The following WSCD1 variants were observed in gnomAD, a reference collection of about 807,000 sequenced individuals.
WSCD1 encodes WSC domain sialate O sulfotransferase 1.
In WSCD1, 41 loss-of-function variants were observed where a neutral mutation model predicts 60.4. The observed-to-expected ratio is 0.68, with a 90% confidence interval of 0.53 to 0.88. WSCD1 has a LOEUF of 0.88. Among genes scored for constraint, WSCD1 ranks in the 40% least tolerant of loss-of-function variants. WSCD1 has a pLI of 0.00. For missense variants in WSCD1, 784 were observed against 796.2 expected (o/e 0.98, Z 0.18); for synonymous variants, 361 against 332.5 (o/e 1.09, Z -0.93).
chr17:6,072,208 A>C (rs934698587), intron 1 of WSCD1, among the ~76,000 whole-genome samples: 3 of 152,254 alleles, frequency 2.0e-5, no homozygotes, highest in Admixed American at 1.3e-4. Context: ...AGCTGGGATA[A>C]GGCAGAAGGC....
intron 7 of WSCD1, among the ~76,000 whole-genome samples, chr17:6,115,366 TGTA>T: frequency 6.6e-6 from 1 of 152,204 alleles, no homozygotes; most frequent in Non-Finnish European, 1.5e-5. Context: ...TTCATCAAAA[TGTA>T]ATAAAAAATG....
Position 6,101,502 on chromosome 17 carries a change from T to TGGC in WSCD1, c.849+6280_849+6282dup. ...TTGAGCACCATCTGAGGCTTATTTGTGGCCCCAGATAAAATGTCTACTGTT... is the reference window on the plus strand; with the variant it reads ...TTGAGCACCATCTGAGGCTTATTTGTGGCGGCCCCAGATAAAATGTCTACTGTT... On this transcript the variant is annotated intron_variant, in intron 5 of 8. Transcript: ENST00000317744. The surrounding 1 kb of genome is among the most constrained non-coding windows in gnomAD (Gnocchi z 4.1). 6.6e-6 allele frequency among the ~76,000 whole-genome samples: 1 copy of TGGC among 152,214 alleles called. No homozygotes were observed. Among genetic ancestry groups the TGGC allele is most frequent in the South Asian group, 2.1e-4 (1 of 4,812 alleles).
chr17:6,121,039 T>G lies in WSCD1; in HGVS notation c.*378T>G, dbSNP rs962264590. The stretch of plus-strand genomic sequence containing the variant: ...TGTGCTCCTGGAGGCTGGCTGGCTG[T>G]CTCTCTCACACAGATACACGTGCGC... On this transcript the variant is annotated 3_prime_UTR_variant, in exon 9 of 9. Coordinates refer to ENST00000317744, the MANE Select transcript of WSCD1 (RefSeq NM_015253.2). 21 of 247,824 alleles carry G rather than the reference T, an allele frequency of 8.5e-5. No homozygotes were observed. The highest frequency in any genetic ancestry group is 3.3e-4 in the South Asian group (5 of 15,358). 15.4% of individuals were successfully genotyped at this position (247,824 alleles called of 1,614,324 possible).
In WSCD1 at chr17:6,075,687, G is replaced by A. The variant is rs569967395; in HGVS notation, c.-288-4684G>A. 6.6e-6 allele frequency among the ~76,000 whole-genome samples: 1 copy of A among 152,140 alleles called. No individual in the cohort carries two copies. Among genetic ancestry groups the A allele is most frequent in the African/African-American group, 2.4e-5 (1 of 41,430 alleles). On this transcript the variant is annotated intron_variant, in intron 1 of 8. Transcript: ENST00000317744. The surrounding 1 kb of genome is among the most constrained non-coding windows in gnomAD (Gnocchi z 4.1). ...CCCAGGCCCTGCTCTTCTGTAGGGT[G>A]ACCCCAGGACAGGGCAGTGGGTGTG... is the stretch of plus-strand genomic sequence containing the variant.
intron 5 of WSCD1, among the ~76,000 whole-genome samples, chr17:6,105,116 C>G (rs766366918): frequency 3.9e-5 from 6 of 152,176 alleles, no homozygotes; most frequent in Non-Finnish European, 5.9e-5. Context: ...TGTGGATCCC[C>G]GCCAGCCTCA....
chr17:6,069,741 G>A (rs964302488), upstream of WSCD1, among the ~76,000 whole-genome samples: 2 of 150,370 alleles, frequency 1.3e-5, no homozygotes, highest in African/African-American at 4.9e-5. Flanking sequence ...AGCTGTGACC[G>A]TCTGTCTCTA....
chr17:6,111,254 C>T (rs922775198), intron 7 of WSCD1, among the ~76,000 whole-genome samples: 2 of 152,154 alleles, frequency 1.3e-5, no homozygotes, highest in African/African-American at 4.8e-5. Flanking sequence ...TACTCCACCA[C>T]CCAGAACCAA....
chr17:6,093,541 C>T lies in WSCD1; in HGVS notation c.728-1561C>T, dbSNP rs556876474. Among the ~76,000 whole-genome samples, 44 of 152,290 alleles carry T rather than the reference C, an allele frequency of 2.9e-4. No homozygotes were observed. In the South Asian group the frequency reaches 8.5e-3, roughly 29 times the overall value. ...CTCTCCCCATTGTCTGTTCTATCCC[C>T]GTGGAGCTGGTTGAGGACCAGTGCC... On this transcript the variant is annotated intron_variant, in intron 4 of 8. Transcript: ENST00000317744.
rs778444504 is a variant in WSCD1 at position 6,088,065 on chromosome 17, A to G, written c.503A>G (p.Lys168Arg). ...LKGAVFYDLR[K>R]MTVSHCQDAC... ...GGAGCTGTGTTTTATGACTTGAGAA[A>G]GATGACTGTCTCCCACTGCCAGGAT... Residue 168 changes from lysine (K) to arginine (R), a missense_variant, in exon 3 of 9, where the codon AAG becomes AGG. Transcript: ENST00000317744. 5.0e-6 allele frequency: 8 copies of G among 1,614,232 alleles called. No individual in the cohort carries two copies. Among genetic ancestry groups the G allele is most frequent in the East Asian group, 2.2e-5 (1 of 44,880 alleles).
intron 1 of WSCD1, among the ~76,000 whole-genome samples, chr17:6,073,247 G>T (rs1908651925): frequency 6.6e-6 from 1 of 152,228 alleles, no homozygotes; most frequent in Admixed American, 6.5e-5. Flanking sequence ...TTACCTTCCA[G>T]ATTCTGGGAT....
At chr17:6,087,464 G>C (rs1220637265) in intron 2 of WSCD1, among the ~76,000 whole-genome samples, 1 of 152,200 alleles carries the variant, frequency 6.6e-6, no homozygotes, top group Non-Finnish European at 1.5e-5. Context: ...ACTCCCTCTT[G>C]GGACGACAGA....
intron 2 of WSCD1, among the ~76,000 whole-genome samples, chr17:6,082,475 G>A (rs140895738): frequency 3.1e-4 from 47 of 152,336 alleles, no homozygotes; most frequent in African/African-American, 8.9e-4. Context: ...GTCTACCATC[G>A]TCACACTGCT....
At chr17:6,109,556 A>G (rs1228457876) in intron 5 of WSCD1, 51 bp from the exon 6 acceptor site, 6 of 1,593,004 alleles carry the variant, frequency 3.8e-6, no homozygotes, top group South Asian at 3.4e-5. Context: ...CCTGGGAAGC[A>G]TGACCCTCAA....
At position 6,110,803 on chromosome 17, in the gene WSCD1, A is replaced by G; in HGVS notation, c.1042A>G (p.Asn348Asp). The change falls in exon 7 of 9, where the codon AAC (asparagine) becomes GAC (aspartate). Residue 348 changes from asparagine to aspartate, a missense_variant. Transcript: ENST00000317744. The surrounding 1 kb of genome is among the most constrained non-coding windows in gnomAD (Gnocchi z 4.8). ...TRCTDRRFLPNKSKVFVALSS... is the reference protein window; with the variant it reads ...TRCTDRRFLPDKSKVFVALSS... Reference sequence around the variant, plus strand: ...TTGTACAGACAGGAGGTTCCTGCCTAACAAATCCAAAGTGTTTGTGGCTTT... The same window carrying G: ...TTGTACAGACAGGAGGTTCCTGCCTGACAAATCCAAAGTGTTTGTGGCTTT... The G allele has an allele frequency of 6.2e-7, 1 of 1,613,930 alleles. No individual in the cohort carries two copies.
At position 6,080,836 on chromosome 17, in the gene WSCD1, G is replaced by A. The variant is rs745865020; in HGVS notation, c.178G>A (p.Val60Met). Reference sequence around the variant, plus strand: ...CCTGCAGACCTTGCCAGTGGCCGCCGTGGCGCTGGGCGTGGGCTTGCTGGA... The same window carrying A: ...CCTGCAGACCTTGCCAGTGGCCGCCATGGCGCTGGGCGTGGGCTTGCTGGA... ...GPLQTLPVAA[V>M]ALGVGLLDSR... Residue 60 changes from valine to methionine, a missense_variant, in exon 2 of 9, where the codon GTG becomes ATG. Coordinates refer to ENST00000317744, the MANE Select transcript of WSCD1 (RefSeq NM_015253.2). The surrounding 1 kb of genome is among the most constrained non-coding windows in gnomAD (Gnocchi z 6.6). 9 of 1,607,610 alleles carry A rather than the reference G, an allele frequency of 5.6e-6. No homozygotes were observed. Among genetic ancestry groups the A allele is most frequent in the African/African-American group, 1.3e-5 (1 of 74,876 alleles).
intron 5 of WSCD1, among the ~76,000 whole-genome samples, chr17:6,105,412 C>G (rs957162444): frequency 6.6e-6 from 1 of 152,152 alleles, no homozygotes; most frequent in African/African-American, 2.4e-5. Flanking sequence ...CACTGAAGCA[C>G]CCTTTCTCTC....
intron 8 of WSCD1, 86 bp from the exon 9 acceptor site, chr17:6,120,223 C>A: frequency 1.4e-6 from 2 of 1,438,414 alleles, no homozygotes; most frequent in Non-Finnish European, 1.9e-6. Context: ...ACCCTGCCCA[C>A]TTCCCTCTCC....
At chr17:6,107,211 C>A (rs1375115134) in intron 5 of WSCD1, among the ~76,000 whole-genome samples, 1 of 152,098 alleles carries the variant, frequency 6.6e-6, no homozygotes, top group African/African-American at 2.4e-5. Flanking sequence ...TAGGGCCTAC[C>A]CTGATGGCCT....
At chr17:6,078,833 G>C (rs1428784322) in intron 1 of WSCD1, among the ~76,000 whole-genome samples, 1 of 152,182 alleles carries the variant, frequency 6.6e-6, no homozygotes, top group African/African-American at 2.4e-5. Context: ...AGGGTCCAAA[G>C]CTGGAGGCAG....
Sources: gnomAD v4.1 joint callset for allele counts (sites outside exome capture counted in the v4.1 genomes callset) on GRCh38, gnomAD v4.1.1 for gene constraint, Gnocchi (gnomAD v3.1) non-coding constraint, MANE v1.5 for transcripts, NCBI Gene and HGNC (gene_info 2026-07-23, HGNC 2026-07-21) for gene names.